The following SCARA5 variants were observed in gnomAD, a reference collection of about 807,000 sequenced individuals.
SCARA5 encodes the protein scavenger receptor class A member 5.
SCARA5 carries 45 observed loss-of-function variants against 46.3 expected under a neutral mutation model. The observed-to-expected ratio is 0.97, with a 90% CI of 0.76 to 1.24. SCARA5 has a LOEUF of 1.24. Among genes scored for constraint, SCARA5 ranks in the 50% most tolerant of loss-of-function variants. The pLI is 0.00. For missense variants in SCARA5, 680 were observed against 689.0 expected, an observed-to-expected ratio of 0.99 and a Z score of 0.15; for synonymous variants, 333 against 306.5, an observed-to-expected ratio of 1.09 and a Z score of -0.90.
At chr8:27,929,850 A>G (rs1807741419) in intron 3 of SCARA5, among the ~76,000 whole-genome samples, 1 of 152,144 alleles carries the variant, frequency 6.6e-6, no homozygotes, top group Admixed American at 6.5e-5. Flanking sequence ...TGTTATGCCC[A>G]TTTTCAGATG....
At chr8:27,970,223 A>G (rs530915569) in intron 2 of SCARA5, among the ~76,000 whole-genome samples, 20 of 151,952 alleles carry the variant, frequency 1.3e-4, no homozygotes, top group South Asian at 2.1e-4. Flanking sequence ...GTGAGCCTCT[A>G]AGGAGATCCT....
At chr8:27,874,711 T>G (rs1463758307) in intron 8 of SCARA5, among the ~76,000 whole-genome samples, 4 of 152,234 alleles carry the variant, frequency 2.6e-5, no homozygotes, top group Non-Finnish European at 5.9e-5. Context: ...GAGGTAATAA[T>G]GCAATAATTA....
chr8:27,984,686 A>G lies in SCARA5; in HGVS notation c.112+2818T>C, dbSNP rs1585528943. ...CATCCATTCACCCATCCATCCATGC[A>G]TCCATCCATCCATTCATCCGTCCAT... On this transcript the variant is annotated intron_variant, in intron 2 of 8. Coordinates refer to ENST00000354914, the MANE Select transcript of SCARA5 (RefSeq NM_173833.6). Among the ~76,000 whole-genome samples, 3 of 151,860 alleles carry G rather than the reference A, an allele frequency of 2.0e-5. No homozygotes were observed. The South Asian group carries it at 6.2e-4, about 32-fold the overall frequency.
intron 1 of SCARA5, among the ~76,000 whole-genome samples, chr8:27,990,521 T>C (rs967160861): frequency 6.6e-6 from 1 of 152,058 alleles, no homozygotes; most frequent in Admixed American, 6.5e-5. Context: ...ATTTTAAACA[T>C]AAGCCATCCC....
chr8:27,987,410 ACT>A, intron 2 of SCARA5, 92 bp downstream of exon 2: 1 of 798,156 alleles, frequency 1.3e-6, no homozygotes, highest in Non-Finnish European at 2.2e-6. Flanking sequence ...GGTCACAAGC[ACT>A]TAAAGGCAAT....
chr8:27,908,916 G>A (rs945908969), intron 5 of SCARA5: 1 of 152,182 alleles, frequency 6.6e-6, no homozygotes, highest in Non-Finnish European at 1.5e-5. Context: ...GAAGCAGATG[G>A]TTTGGAGGTA....
intron 3 of SCARA5, among the ~76,000 whole-genome samples, chr8:27,954,497 T>C (rs1808177723): frequency 6.6e-6 from 1 of 152,184 alleles, no homozygotes. Context: ...TTTTTTCCCT[T>C]AACGCAATTT....
Position 27,922,122 on chromosome 8 carries a change from G to T in SCARA5, c.365C>A (p.Thr122Lys), listed in dbSNP as rs373848299. The change falls in exon 4 of 9, where the codon ACG (threonine) becomes AAG (lysine). Residue 122 changes from threonine (T) to lysine (K), a missense_variant. Around this residue, in one of 3 missense-constraint regions of SCARA5, gnomAD observed 438 missense variants for 384.5 expected, o/e 1.14. Transcript: ENST00000354914. ...GTCCTGCACCTTCCACACCTGCTCCGTCAGGTCCGCTTGCAGCGGAGCCTG... is the reference window on the plus strand; with the variant it reads ...GTCCTGCACCTTCCACACCTGCTCCTTCAGGTCCGCTTGCAGCGGAGCCTG... The part of the protein sequence containing the change: ...LLQAPLQADL[T>K]EQVWKVQDAL... 3.7e-6 allele frequency: 6 copies of T among 1,606,104 alleles called. No homozygotes were observed. The highest frequency in any genetic ancestry group is 5.1e-6 in the Non-Finnish European group (6 of 1,177,248).
chr8:27,960,334 A>G (rs1808275582), intron 3 of SCARA5, among the ~76,000 whole-genome samples: 1 of 152,002 alleles, frequency 6.6e-6, no homozygotes, highest in Non-Finnish European at 1.5e-5. Context: ...ATATCACTAT[A>G]CCTGGCTCAT....
intron 3 of SCARA5, among the ~76,000 whole-genome samples, chr8:27,950,278 G>C (rs2726949): frequency 0.95 from 144,713 of 152,154 alleles, 69,076 homozygotes; most frequent in East Asian, 1. Flanking sequence ...AGCCAGACCT[G>C]GGGGTTGCCA....
At chr8:27,904,291 C>G in intron 7 of SCARA5, 1 of 169,478 alleles carries the variant, frequency 5.9e-6, no homozygotes. Context: ...TGAATTTGTG[C>G]AAGCACCTCT....
At chr8:27,979,177 C>G (rs1808573815) in intron 2 of SCARA5, among the ~76,000 whole-genome samples, 1 of 152,194 alleles carries the variant, frequency 6.6e-6, no homozygotes, top group Non-Finnish European at 1.5e-5. Context: ...CCCATCATCT[C>G]TCTTTGCCTC....
intron 3 of SCARA5, among the ~76,000 whole-genome samples, chr8:27,961,455 A>G (rs1808292793): frequency 1.3e-5 from 2 of 152,224 alleles, no homozygotes; most frequent in Admixed American, 1.3e-4. Context: ...CCATGCTTGT[A>G]CAGCCTACGA....
At chr8:27,928,076 T>C (rs913406640) in intron 3 of SCARA5, among the ~76,000 whole-genome samples, 1 of 152,206 alleles carries the variant, frequency 6.6e-6, no homozygotes, top group Admixed American at 6.5e-5. Flanking sequence ...GCCTCCTTTT[T>C]TGGGATCATT....
chr8:27,978,235 TG>T (rs1464204670), intron 2 of SCARA5, among the ~76,000 whole-genome samples: 1 of 151,358 alleles, frequency 6.6e-6, no homozygotes, highest in East Asian at 1.9e-4. Flanking sequence ...TTCACCATGT[TG>T]GCCAGGTTGG....
chr8:27,913,478 T>C (rs917848752), intron 4 of SCARA5, among the ~76,000 whole-genome samples: 27 of 152,310 alleles, frequency 1.8e-4, no homozygotes, highest in African/African-American at 5.3e-4. Context: ...AAGCTGGAAA[T>C]CTTGAGCCTG....
intron 8 of SCARA5, among the ~76,000 whole-genome samples, chr8:27,872,491 T>A (rs1806655230): frequency 6.6e-6 from 1 of 152,228 alleles, no homozygotes; most frequent in African/African-American, 2.4e-5. Context: ...GGCTTGAACA[T>A]ATTTTTGTTA....
At chr8:27,883,599 AC>A (rs1304308695) in intron 7 of SCARA5, among the ~76,000 whole-genome samples, 2 of 152,186 alleles carry the variant, frequency 1.3e-5, no homozygotes, top group African/African-American at 4.8e-5. Context: ...ATAATTCAGA[AC>A]AATTGGTTTG....
intron 7 of SCARA5, among the ~76,000 whole-genome samples, chr8:27,896,090 C>T (rs1035574045): frequency 7.2e-5 from 11 of 152,178 alleles, no homozygotes; most frequent in African/African-American, 2.7e-4. Context: ...TCTTAAGCTC[C>T]TGAACCTCTC....
Sources: gnomAD v4.1 joint callset for allele counts (sites outside exome capture counted in the v4.1 genomes callset) on GRCh38, gnomAD v4.1.1 for gene constraint, gnomAD v4.1.1 regional missense constraint, MANE v1.5 for transcripts, NCBI Gene and HGNC (gene_info 2026-07-23, HGNC 2026-07-21) for gene names.